Variants in CHN2 observed in about 807,000 individuals in gnomAD.
CHN2 encodes the protein chimerin 2, also known as beta-chimaerin.
In CHN2, 35 loss-of-function variants were observed where a neutral mutation model predicts 56.3. The ratio of observed to expected loss-of-function variants is 0.62; its 90% CI spans 0.47 to 0.82. The LOEUF (loss-of-function observed/expected upper bound fraction) is 0.82. CHN2 is among the 40% of genes least tolerant of loss of function. CHN2 has a pLI of 0.00. For synonymous variants in CHN2, 210 were observed against 212.8 expected (o/e 0.99, Z 0.12); for missense variants, 491 against 580.5 (o/e 0.85, Z 1.58).
At chr7:29,198,121 A>C in intron 1 of CHN2, 2 of 448,532 alleles carry the variant, frequency 4.5e-6, no homozygotes, top group Non-Finnish European at 9.0e-6. Flanking sequence ...TTCAGGTAGC[A>C]GTGGGTTTGA....
At chr7:29,165,731 T>C (rs1240866058) in intron 2 of CHN2, among the ~76,000 whole-genome samples, 1 of 152,216 alleles carries the variant, frequency 6.6e-6, no homozygotes, top group African/African-American at 2.4e-5. Flanking sequence ...TTTTCTTTTT[T>C]AAATTTTTTC....
At chr7:29,328,410 G>A (rs1377376073) in intron 1 of CHN2, among the ~76,000 whole-genome samples, 1 of 151,232 alleles carries the variant, frequency 6.6e-6, no homozygotes, top group Non-Finnish European at 1.5e-5. Context: ...TATAACAAGA[G>A]CATTTCTTTT....
intron 2 of CHN2, among the ~76,000 whole-genome samples, chr7:29,359,967 T>C (rs1798598286): frequency 6.6e-6 from 1 of 152,158 alleles, no homozygotes; most frequent in Non-Finnish European, 1.5e-5. Context: ...GTTTTACAGA[T>C]TTGAAGTTTA....
At chr7:29,500,073 G>A (rs1789783874) in intron 9 of CHN2, 33 bp downstream of exon 9, 1 of 1,421,570 alleles carries the variant, frequency 7.0e-7, no homozygotes. Context: ...TAGTAGTATA[G>A]TGATTTTATT....
chr7:29,474,353 A>G (rs932889093), intron 6 of CHN2, among the ~76,000 whole-genome samples: 9 of 152,250 alleles, frequency 5.9e-5, no homozygotes, highest in Middle Eastern at 3.4e-3. Flanking sequence ...GTATCTCTAT[A>G]TCTATCCATC....
chr7:29,252,584 T>TTTTG (rs1788683420), intron 1 of CHN2, among the ~76,000 whole-genome samples: 1 of 22,428 alleles, frequency 4.5e-5, no homozygotes, highest in Non-Finnish European at 7.3e-5. Context: ...CTTTGTTTTT[T>TTTTG]TTTTTTTTTT....
intron 1 of CHN2, chr7:29,292,773 C>A: frequency 2.5e-6 from 1 of 395,960 alleles, no homozygotes. Context: ...ATTTCATTGA[C>A]TCTTCCACCT....
chr7:29,234,700 A>G (rs1787044944), intron 1 of CHN2, among the ~76,000 whole-genome samples: 1 of 152,156 alleles, frequency 6.6e-6, no homozygotes, highest in African/African-American at 2.4e-5. Flanking sequence ...TCCATTTCTC[A>G]TCTACTGTGG....
chr7:29,234,380 T>G (rs147390534), intron 1 of CHN2, among the ~76,000 whole-genome samples: 72 of 152,350 alleles, frequency 4.7e-4, no homozygotes, highest in African/African-American at 1.7e-3. Flanking sequence ...ATTCTAAACC[T>G]TCCTCGATCA....
At chr7:29,502,039 G>A (rs543135375) in intron 9 of CHN2, among the ~76,000 whole-genome samples, 86 of 152,248 alleles carry the variant, frequency 5.6e-4, no homozygotes, top group Non-Finnish European at 7.1e-4. Context: ...TAAATGGACC[G>A]AGTACAATGT....
At chr7:29,511,304 T>TG (rs1791353600) in intron 12 of CHN2, among the ~76,000 whole-genome samples, 1 of 152,114 alleles carries the variant, frequency 6.6e-6, no homozygotes, top group African/African-American at 2.4e-5. Context: ...AATTTAGGAG[T>TG]GCAAGTAATT....
chr7:29,402,485 T>A (rs568430455), intron 6 of CHN2, among the ~76,000 whole-genome samples: 1 of 152,330 alleles, frequency 6.6e-6, no homozygotes, highest in African/African-American at 2.4e-5. Flanking sequence ...AGCCATTCCT[T>A]AGTCTGTTTG....
intron 1 of CHN2, among the ~76,000 whole-genome samples, chr7:29,224,454 G>A (rs1017772757): frequency 6.6e-6 from 1 of 152,098 alleles, no homozygotes; most frequent in African/African-American, 2.4e-5. Context: ...TGAATGCTCC[G>A]AGCTTATTTC....
chr7:29,445,909 C>T (rs527661976), intron 6 of CHN2, among the ~76,000 whole-genome samples: 4 of 152,210 alleles, frequency 2.6e-5, no homozygotes, highest in African/African-American at 9.6e-5. Context: ...TCCAAGCTTG[C>T]AAGGGCCCCC....
chr7:29,509,450 C>T (rs184312265), intron 12 of CHN2, 44 bp downstream of exon 12: 442 of 1,483,486 alleles, frequency 3.0e-4, no homozygotes, highest in Non-Finnish European at 3.3e-4. Context: ...GCTCCTAGAG[C>T]GGTTAATGCA....
At chr7:29,509,226 A>G (rs1220425410) in intron 11 of CHN2, 75 bp from the exon 12 acceptor site, 3 of 1,137,924 alleles carry the variant, frequency 2.6e-6, no homozygotes, top group African/African-American at 3.1e-5. Context: ...GGCTAAAACA[A>G]AAACTTCTTG....
chr7:29,373,274 T>G (rs1373157050), intron 3 of CHN2, among the ~76,000 whole-genome samples: 1 of 152,004 alleles, frequency 6.6e-6, no homozygotes, highest in Non-Finnish European at 1.5e-5. Flanking sequence ...CTTCCCAAAT[T>G]CAAGCGATTC....
chr7:29,158,035 A>G (rs1367182847), intron 2 of CHN2, among the ~76,000 whole-genome samples: 2 of 152,202 alleles, frequency 1.3e-5, no homozygotes, highest in South Asian at 4.1e-4. Context: ...AAAAGGCAAG[A>G]TGGCAGGGAG....
At chr7:29,438,151 C>T (rs907699527) in intron 6 of CHN2, among the ~76,000 whole-genome samples, 56 of 152,196 alleles carry the variant, frequency 3.7e-4, no homozygotes, top group African/African-American at 1.4e-3. Context: ...CACAGAGCAG[C>T]GTGCAACTCT....
Sources: allele counts gnomAD v4.1 joint callset (sites outside exome capture counted in the v4.1 genomes callset), GRCh38; gene constraint gnomAD v4.1.1; transcripts MANE v1.5; gene names NCBI Gene and HGNC (gene_info 2026-07-23, HGNC 2026-07-21).